The following HDGFL2 variants were observed in gnomAD, a reference collection of about 807,000 sequenced individuals.
The protein encoded by HDGFL2 is hepatoma-derived growth factor-related protein 2.
HDGFL2 carries 36 observed loss-of-function variants against 77.1 expected under a neutral mutation model. That is an observed-to-expected ratio of 0.47 (90% CI 0.36 to 0.62). The LOEUF (loss-of-function observed/expected upper bound fraction) is 0.62. Among genes scored for constraint, HDGFL2 ranks in the 20% least tolerant of loss-of-function variants. The probability of loss-of-function intolerance (pLI) is 0.00; values close to 1 mark genes in which losing one functional copy is unlikely to be tolerated. For missense variants in HDGFL2, 976 were observed against 973.4 expected (o/e 1.00, Z -0.04); for synonymous variants, 463 against 413.1 (o/e 1.12, Z -1.46).
chr19:4,495,870 A>G (rs571421828), intron 9 of HDGFL2, among the ~76,000 whole-genome samples: 1 of 152,200 alleles, frequency 6.6e-6, no homozygotes, highest in East Asian at 1.9e-4. Context: ...GATTCAGGCA[A>G]TGTGGCCTGA....
chr19:4,475,834 G>A lies in HDGFL2; in HGVS notation c.288+251G>A, dbSNP rs373161225. Among the ~76,000 whole-genome samples, 49 of 152,176 alleles carry A rather than the reference G, an allele frequency of 3.2e-4. 1 individual carries two copies. The highest frequency in any genetic ancestry group is 1.0e-3 in the African/African-American group (42 of 41,524). On this transcript the variant is annotated intron_variant, in intron 3 of 15. Transcript: ENST00000616600. ...TTGCCCAGTGTCCCCTGGGTGGAGG[G>A]GAACGGGATAGAATCAGCCCTGGCG...
At chr19:4,499,978 C>T (rs953087174) in intron 14 of HDGFL2, among the ~76,000 whole-genome samples, 49 of 152,194 alleles carry the variant, frequency 3.2e-4, no homozygotes, top group Non-Finnish European at 5.9e-4. Flanking sequence ...TGACAGCACA[C>T]GCCTCCACCG....
intron 15 of HDGFL2, 61 bp from the exon 16 acceptor site, chr19:4,501,850 G>A (rs1975900971): frequency 5.4e-6 from 7 of 1,284,828 alleles, no homozygotes; most frequent in South Asian, 3.4e-5. Context: ...CCACCCAACC[G>A]CCCTACAGGC....
Position 4,499,083 on chromosome 19 carries a change from C to G in HDGFL2, c.1575+168C>G, listed in dbSNP as rs150743047. ...CTGGTGCTTGCCAGGAGTGGTGGCT[C>G]ACGCCTGTAATCCCAGCACTTTGGG... On this transcript the variant is annotated intron_variant, in intron 13 of 15. Coordinates refer to ENST00000616600, the MANE Select transcript of HDGFL2 (RefSeq NM_001001520.3). 2.6e-3 allele frequency among the ~76,000 whole-genome samples: 392 copies of G among 152,248 alleles called. 1 individual carries two copies. The highest frequency in any genetic ancestry group is 8.7e-3 in the African/African-American group (363 of 41,538).
chr19:4,501,795 C>A, intron 15 of HDGFL2, 116 bp from the exon 16 acceptor site: 1 of 705,022 alleles, frequency 1.4e-6, no homozygotes, highest in Non-Finnish European at 2.2e-6. Context: ...GGGCGGCACT[C>A]GAGCCTCAGG....
At chr19:4,484,003 A>C (rs1377319672) in intron 3 of HDGFL2, among the ~76,000 whole-genome samples, 13 of 147,102 alleles carry the variant, frequency 8.8e-5, no homozygotes, top group African/African-American at 3.3e-4. Flanking sequence ...GTTAGCCAGG[A>C]TGGTCTTGAT....
rs568809443 is a variant in HDGFL2 at position 4,497,627 on chromosome 19, C to T, written c.1329-331C>T. 16 of 389,008 alleles carry T rather than the reference C, an allele frequency of 4.1e-5. No individual in the cohort carries two copies. The East Asian group carries it at 4.4e-4, about 11-fold the overall frequency. 24.1% of individuals were successfully genotyped at this position (389,008 alleles called of 1,614,324 possible). ...CTCAGCAATGGGCCTCTCTCCTGCA[C>T]GCGTGTCACCCTTGAGGGCCTTTTC... On this transcript the variant is annotated intron_variant, in intron 10 of 15. Coordinates refer to ENST00000616600, the MANE Select transcript of HDGFL2 (RefSeq NM_001001520.3).
chr19:4,487,164 C>T (rs370090842), intron 3 of HDGFL2, among the ~76,000 whole-genome samples: 1 of 152,050 alleles, frequency 6.6e-6, no homozygotes, highest in African/African-American at 2.4e-5. Flanking sequence ...GACAGGGTTT[C>T]ACCATCTTGG....
chr19:4,494,171 G>C lies in HDGFL2; in HGVS notation c.920G>C (p.Ser307Thr), dbSNP rs1312905260. The change falls in exon 9 of 16, where the codon AGC (serine) becomes ACC (threonine). Residue 307 changes from serine (S) to threonine (T), a missense_variant. This residue lies in a region of HDGFL2 where 567 missense variants were observed against 534.7 expected (regional missense o/e 1.06). Transcript: ENST00000616600. ...ACCGCCCCCTCCGCCTCCAGTGACA[G>C]CGACGAGGTGGACCGCATCAGTGAG... ...PPSSSSSDSDSDEVDRISEWK... is the reference protein window; with the variant it reads ...PPSSSSSDSDTDEVDRISEWK... 1 of 1,493,316 alleles carries C rather than the reference G, an allele frequency of 6.7e-7. No individual in the cohort carries two copies. Among genetic ancestry groups the C allele is most frequent in the Non-Finnish European group, 8.9e-7 (1 of 1,124,092 alleles). 92.5% of individuals were successfully genotyped at this position (1,493,316 alleles called of 1,614,324 possible).
chr19:4,500,009 A>G (rs1277184233), intron 14 of HDGFL2, among the ~76,000 whole-genome samples: 2 of 149,954 alleles, frequency 1.3e-5, no homozygotes, highest in African/African-American at 2.5e-5. Flanking sequence ...TGGGACGCCC[A>G]GAGAGGGGGG....
At position 4,499,660 on chromosome 19, in the gene HDGFL2, GGGAGGAGGCCCCCCA is replaced by G; in HGVS notation, c.1750_1764del (p.Glu584_Glu588del). On this transcript the variant is annotated inframe_deletion, in exon 14 of 16. Coordinates refer to ENST00000616600, the MANE Select transcript of HDGFL2 (RefSeq NM_001001520.3). ...AAGCTGGCCGGGGAGGAGCTGGCCG[GGGAGGAGGCCCCCCA>G]GGAGAAGGCGGAGGACAAGCCCAGC... 1 of 1,577,826 alleles carries G rather than the reference GGGAGGAGGCCCCCCA, an allele frequency of 6.3e-7. No individual in the cohort carries two copies. The highest frequency in any genetic ancestry group is 8.6e-7 in the Non-Finnish European group (1 of 1,161,706).
intron 10 of HDGFL2, chr19:4,497,559 G>A (rs548562365): frequency 1.3e-5 from 4 of 302,522 alleles, no homozygotes; most frequent in South Asian, 6.4e-5. Flanking sequence ...TCGGCAGGCC[G>A]GTATGGCAGT....
chr19:4,483,541 A>G (rs1975277511), intron 3 of HDGFL2, among the ~76,000 whole-genome samples: 1 of 152,142 alleles, frequency 6.6e-6, no homozygotes, highest in African/African-American at 2.4e-5. Flanking sequence ...GCATCCGCCC[A>G]GCCCTGCACC....
At chr19:4,482,965 C>G (rs1015553500) in intron 3 of HDGFL2, among the ~76,000 whole-genome samples, 1 of 152,156 alleles carries the variant, frequency 6.6e-6, no homozygotes, top group Non-Finnish European at 1.5e-5. Flanking sequence ...TCCTCATTCT[C>G]TGAGCTGCTA....
At chr19:4,497,194 G>GTTT in intron 10 of HDGFL2, 1 of 432,524 alleles carries the variant, frequency 2.3e-6, no homozygotes, top group South Asian at 1.6e-5. Context: ...TTTTGTTTTT[G>GTTT]TTTTTGTTTT....
intron 3 of HDGFL2, among the ~76,000 whole-genome samples, chr19:4,479,906 A>G (rs1230259884): frequency 2.2e-5 from 2 of 90,632 alleles, no homozygotes; most frequent in Non-Finnish European, 5.5e-5. Context: ...ACTCTGTCTA[A>G]AAAAAAAAAA....
chr19:4,476,651 C>T (rs992173926), intron 3 of HDGFL2, among the ~76,000 whole-genome samples: 7 of 149,134 alleles, frequency 4.7e-5, no homozygotes, highest in Non-Finnish European at 1.0e-4. Flanking sequence ...TGAGCGTTCT[C>T]AGTCAGGTGG....
chr19:4,482,328 G>A (rs1975242351), intron 3 of HDGFL2, among the ~76,000 whole-genome samples: 1 of 151,854 alleles, frequency 6.6e-6, no homozygotes, highest in Non-Finnish European at 1.5e-5. Flanking sequence ...TCCTGTCTCA[G>A]CCTCCCAAGT....
At position 4,486,198 on chromosome 19, in the gene HDGFL2, T is replaced by C. The variant is rs889327126; in HGVS notation, c.289-2478T>C. ...CAAGGCTGGCCTGTGTGCTGCTTGG[T>C]GCCTGTGCTGGGAGCTGTGGCAGCA... On this transcript the variant is annotated intron_variant, in intron 3 of 15. Coordinates refer to ENST00000616600, the MANE Select transcript of HDGFL2 (RefSeq NM_001001520.3). Among the ~76,000 whole-genome samples, 3 of 152,208 alleles carry C rather than the reference T, an allele frequency of 2.0e-5. No individual in the cohort carries two copies. In the East Asian group the frequency reaches 5.8e-4, roughly 30 times the overall value.
Sources: gnomAD v4.1 joint callset for allele counts (sites outside exome capture counted in the v4.1 genomes callset) on GRCh38, gnomAD v4.1.1 for gene constraint, gnomAD v4.1.1 regional missense constraint, MANE v1.5 for transcripts, NCBI Gene and HGNC (gene_info 2026-07-23, HGNC 2026-07-21) for gene names.